The following ADARB1 variants were observed in gnomAD, a reference collection of about 807,000 sequenced individuals.
ADARB1 encodes double-stranded RNA-specific editase 1.
ADARB1 carries 10 observed loss-of-function variants against 52.4 expected under a neutral mutation model. The observed-to-expected ratio is 0.19, with a 90% CI of 0.12 to 0.32. ADARB1 has a LOEUF of 0.32. ADARB1 is among the 10% of genes least tolerant of loss of function. The pLI is 1.00. For synonymous variants in ADARB1, 349 were observed against 371.1 expected (o/e 0.94, Z 0.68); for missense variants, 643 against 922.3 (o/e 0.70, Z 3.92).
intron 1 of ADARB1, among the ~76,000 whole-genome samples, chr21:45,080,082 A>G (rs750896058): frequency 3.9e-5 from 6 of 151,994 alleles, no homozygotes; most frequent in Non-Finnish European, 7.4e-5. Flanking sequence ...AGAGTTTCCT[A>G]TTGGCTTTGA....
At chr21:45,097,545 G>A (rs1422671054) in intron 1 of ADARB1, among the ~76,000 whole-genome samples, 7 of 151,966 alleles carry the variant, frequency 4.6e-5, no homozygotes, top group African/African-American at 1.7e-4. Context: ...GAGAGCAGAC[G>A]CCGAGGGGCC....
intron 2 of ADARB1, among the ~76,000 whole-genome samples, chr21:45,170,406 A>G (rs548604597): frequency 6.6e-6 from 1 of 152,352 alleles, no homozygotes; most frequent in East Asian, 1.9e-4. Flanking sequence ...CTCAGAAAAT[A>G]TATCTTGAAA....
At chr21:45,126,651 C>T (rs2088603307) in intron 1 of ADARB1, among the ~76,000 whole-genome samples, 1 of 152,192 alleles carries the variant, frequency 6.6e-6, no homozygotes, top group African/African-American at 2.4e-5. Flanking sequence ...AGGGTGGTGG[C>T]CTGGACCCCT....
intron 1 of ADARB1, among the ~76,000 whole-genome samples, chr21:45,099,876 G>T (rs1212979043): frequency 6.6e-6 from 1 of 152,128 alleles, no homozygotes; most frequent in Non-Finnish European, 1.5e-5. Flanking sequence ...CTGGACATTG[G>T]TGTGTGTGCA....
intron 2 of ADARB1, among the ~76,000 whole-genome samples, chr21:45,134,008 G>A (rs530539651): frequency 7.6e-6 from 1 of 131,820 alleles, no homozygotes; most frequent in African/African-American, 2.9e-5. Flanking sequence ...CGCCCGACGG[G>A]TGTGTGTGCC....
chr21:45,086,139 A>C (rs1409997741), intron 1 of ADARB1, among the ~76,000 whole-genome samples: 2 of 152,172 alleles, frequency 1.3e-5, no homozygotes, highest in African/African-American at 4.8e-5. Context: ...GCTGTTGGAC[A>C]GAAGACCTGC....
chr21:45,204,784 A>C lies in ADARB1; in HGVS notation c.1747+48A>C. Reference sequence around the variant, plus strand: ...GATTTAATCTCTGTCTTGATTTTGCAATGTTTTCATCCTCATGAATGAAAA... The same window carrying C: ...GATTTAATCTCTGTCTTGATTTTGCCATGTTTTCATCCTCATGAATGAAAA... On this transcript the variant is annotated intron_variant, in intron 9 of 10. Transcript: ENST00000348831. The surrounding 1 kb of genome is among the most constrained non-coding windows in gnomAD (Gnocchi z 4.4). 1 of 1,585,538 alleles carries C rather than the reference A, an allele frequency of 6.3e-7. No homozygotes were observed. Among genetic ancestry groups the C allele is most frequent in the Non-Finnish European group, 8.6e-7 (1 of 1,160,524 alleles).
At chr21:45,151,204 C>G (rs111468013) in intron 2 of ADARB1, among the ~76,000 whole-genome samples, 1 of 152,106 alleles carries the variant, frequency 6.6e-6, no homozygotes, top group South Asian at 2.1e-4. Flanking sequence ...TGAACTCTGC[C>G]GCTACTAGGA....
intron 1 of ADARB1, among the ~76,000 whole-genome samples, chr21:45,113,949 A>C (rs866168211): frequency 2.0e-5 from 3 of 152,374 alleles, no homozygotes; most frequent in Middle Eastern, 6.8e-3. Flanking sequence ...AGTTAGTTAA[A>C]AATATGTTTG....
rs1460337070 is a variant in ADARB1, at chr21:45,123,021, T to G, written c.-219-5381T>G. ...AGCTACTTGGTCCCATTGTTATTGATAGTATTGTATAAAATCAGTTGTCAT... is the reference window on the plus strand; with the variant it reads ...AGCTACTTGGTCCCATTGTTATTGAGAGTATTGTATAAAATCAGTTGTCAT... On this transcript the variant is annotated intron_variant, in intron 1 of 10. Transcript: ENST00000348831. 3.3e-5 allele frequency among the ~76,000 whole-genome samples: 5 copies of G among 152,344 alleles called. No homozygotes were observed. In the South Asian group the frequency reaches 1.0e-3, roughly 32 times the overall value.
At chr21:45,216,501 A>G (rs752412130) in intron 9 of ADARB1, among the ~76,000 whole-genome samples, 1 of 152,104 alleles carries the variant, frequency 6.6e-6, no homozygotes, top group Non-Finnish European at 1.5e-5. Flanking sequence ...TGGGTTATTT[A>G]GAAGTCTGCT....
chr21:45,211,396 T>A (rs1358364475), intron 9 of ADARB1, among the ~76,000 whole-genome samples: 3 of 152,248 alleles, frequency 2.0e-5, no homozygotes, highest in African/African-American at 7.2e-5. Context: ...TGCCCAGGTC[T>A]TGACTCTTTC....
intron 9 of ADARB1, among the ~76,000 whole-genome samples, chr21:45,212,688 AC>A (rs2092791717): frequency 6.6e-6 from 1 of 152,042 alleles, no homozygotes; most frequent in Non-Finnish European, 1.5e-5. Context: ...TTTCCTTCAG[AC>A]CTTCTGCAGA....
chr21:45,144,378 C>A (rs897616169), intron 2 of ADARB1, among the ~76,000 whole-genome samples: 1 of 152,172 alleles, frequency 6.6e-6, no homozygotes, highest in African/African-American at 2.4e-5. Context: ...TGGTGTATGG[C>A]TATTTGTGAC....
chr21:45,158,455 G>A (rs2090784230), intron 2 of ADARB1, among the ~76,000 whole-genome samples: 1 of 152,198 alleles, frequency 6.6e-6, no homozygotes, highest in South Asian at 2.1e-4. Context: ...TATATAGTAT[G>A]TTGTAGTAGT....
At chr21:45,191,936 ATCATTT>A (rs2092313096) in intron 8 of ADARB1, among the ~76,000 whole-genome samples, 1 of 137,692 alleles carries the variant, frequency 7.3e-6, no homozygotes, top group African/African-American at 2.8e-5. Context: ...GGTCATCCTC[ATCATTT>A]TGGCAGGAGA....
At chr21:45,186,276 AC>A in intron 8 of ADARB1, among the ~76,000 whole-genome samples, 1 of 152,354 alleles carries the variant, frequency 6.6e-6, no homozygotes, top group South Asian at 2.1e-4. Context: ...CAGCCAGTTC[AC>A]TACTGACTTT....
chr21:45,161,573 C>T (rs111776322), intron 2 of ADARB1, among the ~76,000 whole-genome samples: 57 of 152,222 alleles, frequency 3.7e-4, no homozygotes, highest in African/African-American at 8.2e-4. Flanking sequence ...GGAAGCACAG[C>T]GCAGGCCTTG....
At chr21:45,185,302 C>T (rs1247385158) in intron 8 of ADARB1, among the ~76,000 whole-genome samples, 9 of 152,248 alleles carry the variant, frequency 5.9e-5, no homozygotes, top group Admixed American at 3.3e-4. Context: ...GGAGGCTCCA[C>T]GCTTCTAACA....
Sources: allele counts gnomAD v4.1 joint callset (sites outside exome capture counted in the v4.1 genomes callset), GRCh38; gene constraint gnomAD v4.1.1; non-coding constraint Gnocchi (gnomAD v3.1); transcripts MANE v1.5; gene names NCBI Gene and HGNC (gene_info 2026-07-23, HGNC 2026-07-21).